MYLK4: variants seen among roughly 807,000 people sequenced by gnomAD.
MYLK4 encodes myosin light chain kinase family member 4.
Under a neutral mutation model 48.1 loss-of-function variants are expected in MYLK4, and 46 were observed. The observed-to-expected ratio is 0.96, with a 90% confidence interval of 0.75 to 1.22. MYLK4 has a LOEUF of 1.22. MYLK4 is among the 50% of genes most tolerant of loss of function. The pLI is 0.00. For synonymous variants in MYLK4, 170 were observed against 180.8 expected (o/e 0.94, Z 0.48); for missense variants, 451 against 486.1 (o/e 0.93, Z 0.68).
intron 2 of MYLK4, among the ~76,000 whole-genome samples, chr6:2,718,370 A>G (rs1762946703): frequency 6.6e-6 from 1 of 152,160 alleles, no homozygotes; most frequent in Non-Finnish European, 1.5e-5. Context: ...CCCTTCTTCT[A>G]TTCTAACAGA....
chr6:2,742,831 C>T (rs1167922501), intron 2 of MYLK4, among the ~76,000 whole-genome samples: 1 of 151,550 alleles, frequency 6.6e-6, no homozygotes, highest in Non-Finnish European at 1.5e-5. Flanking sequence ...AACAAACCTG[C>T]ACATTGTGCA....
intron 2 of MYLK4, among the ~76,000 whole-genome samples, chr6:2,712,559 T>C (rs376651201): frequency 6.6e-6 from 1 of 152,208 alleles, no homozygotes; most frequent in South Asian, 2.1e-4. Context: ...GAAACAGATT[T>C]AGTGATCACA....
chr6:2,694,503 G>GTGA (rs1311246373), intron 2 of MYLK4, among the ~76,000 whole-genome samples: 19 of 12,356 alleles, frequency 1.5e-3, no homozygotes, highest in African/African-American at 3.7e-3. Context: ...GGTGGTGGTG[G>GTGA]TGGTGGTGGC....
chr6:2,702,846 C>T (rs962133228), intron 2 of MYLK4, among the ~76,000 whole-genome samples: 1 of 152,118 alleles, frequency 6.6e-6, no homozygotes, highest in South Asian at 2.1e-4. Context: ...CCAACACCCC[C>T]GATCGGTCTG....
the MYLK4 span, chr6:2,770,241 A>G: frequency 1.2e-6 from 2 of 1,614,058 alleles, no homozygotes; most frequent in Non-Finnish European, 1.7e-6. Flanking sequence ...GTTCTTGAGA[A>G]GCTTCCAGTA....
the MYLK4 span, among the ~76,000 whole-genome samples, chr6:2,763,451 G>A: frequency 1.3e-5 from 2 of 152,234 alleles, no homozygotes; most frequent in Non-Finnish European, 1.5e-5. Flanking sequence ...GCTCAGGCAT[G>A]GCAGGCCTGA....
intron 2 of MYLK4, among the ~76,000 whole-genome samples, chr6:2,700,301 G>A (rs1290545816): frequency 6.6e-6 from 1 of 152,138 alleles, no homozygotes; most frequent in African/African-American, 2.4e-5. Context: ...ATTAATGCCT[G>A]GGTCCTCCCC....
chr6:2,696,827 C>T (rs1449391019), intron 2 of MYLK4, among the ~76,000 whole-genome samples: 1 of 152,146 alleles, frequency 6.6e-6, no homozygotes, highest in African/African-American at 2.4e-5. Flanking sequence ...TTTGGGAGGC[C>T]GAGGTGGGCA....
At chr6:2,764,005 G>A in the MYLK4 span, among the ~76,000 whole-genome samples, 13 of 152,290 alleles carry the variant, frequency 8.5e-5, no homozygotes, top group South Asian at 1.7e-3. Flanking sequence ...GGTGGCGGAC[G>A]CCCGTAATTC....
At chr6:2,764,814 G>A in the MYLK4 span, among the ~76,000 whole-genome samples, 1 of 152,164 alleles carries the variant, frequency 6.6e-6, no homozygotes, top group Non-Finnish European at 1.5e-5. Context: ...ACATCTAAAA[G>A]GGGGCGAGGG....
chr6:2,672,745 G>C lies in MYLK4; in HGVS notation c.1120-1397C>G, dbSNP rs1187666574. Among the ~76,000 whole-genome samples the C allele has an allele frequency of 6.6e-6, 1 of 152,114 alleles. No homozygotes were observed. The highest frequency in any genetic ancestry group is 1.5e-5 in the Non-Finnish European group (1 of 68,036). On this transcript the variant is annotated intron_variant, in intron 11 of 12. Coordinates refer to ENST00000274643, the MANE Select transcript of MYLK4 (RefSeq NM_001012418.5). This position sits in a 1 kb window ranked among gnomAD's most constrained non-coding sequence, Gnocchi z 4.3. ...ACTAAAACTGTATGGTACAAGAAAG[G>C]CTCTGGAAGCATCGCTCAGGTCCCC...
chr6:2,746,204 T>C (rs1298836058), intron 2 of MYLK4, among the ~76,000 whole-genome samples: 3 of 148,008 alleles, frequency 2.0e-5, no homozygotes, highest in Admixed American at 6.7e-5. Context: ...GAGACGGAGG[T>C]TGCAGTGAGC....
Position 2,683,435 on chromosome 6 carries a change from T to TGTGTGTGTGTG in MYLK4, c.546-274_546-273insCACACACACAC, listed in dbSNP as rs1364661083. 2.5e-4 allele frequency among the ~76,000 whole-genome samples: 25 copies of TGTGTGTGTGTG among 98,680 alleles called. 1 individual carries two copies. Among genetic ancestry groups the TGTGTGTGTGTG allele is most frequent in the Non-Finnish European group, 6.4e-5 (3 of 46,996 alleles). The allele number at this position is 98,680 out of a possible 152,430, so 64.7% of individuals were successfully genotyped here. On this transcript the variant is annotated intron_variant, in intron 6 of 12. Transcript: ENST00000274643. ...TGTGTGTGTGTGTGTGTGTGTGTGT[T>TGTGTGTGTGTG]TTGAGATGGAGTCTCGCTGTGTCGC... is the stretch of plus-strand genomic sequence containing the variant.
rs553016911 is a variant in MYLK4, at chr6:2,667,767, T to C, written c.*158A>G. ...GTTCCTCTGAGCGCAGCAGAGGCAC[T>C]CCAGTTCAAGTTCACATTCAGGGTC... On this transcript the variant is annotated 3_prime_UTR_variant, in exon 13 of 13. Transcript: ENST00000274643. 11 of 152,778 alleles carry C rather than the reference T, an allele frequency of 7.2e-5. No homozygotes were observed. Among genetic ancestry groups the C allele is most frequent in the African/African-American group, 2.6e-4 (11 of 41,570 alleles). The allele number at this position is 152,778 out of a possible 1,614,324, so 9.5% of individuals were successfully genotyped here.
intron 2 of MYLK4, among the ~76,000 whole-genome samples, chr6:2,739,249 G>A (rs1045442704): frequency 1.3e-5 from 2 of 152,186 alleles, no homozygotes; most frequent in African/African-American, 2.4e-5. Context: ...TGGAGAGCCT[G>A]ACCAGAACCA....
intron 10 of MYLK4, among the ~76,000 whole-genome samples, chr6:2,677,571 A>G (rs1341998019): frequency 6.6e-6 from 1 of 152,218 alleles, no homozygotes; most frequent in Non-Finnish European, 1.5e-5. Context: ...CTATATTTCA[A>G]TGTCACTCTT....
At chr6:2,679,151 G>T in intron 9 of MYLK4, 129 bp downstream of exon 9, 2 of 1,086,024 alleles carry the variant, frequency 1.8e-6, no homozygotes, top group East Asian at 2.4e-5. Flanking sequence ...AACCTAGAAG[G>T]CAACTGAGGA....
intron 2 of MYLK4, among the ~76,000 whole-genome samples, chr6:2,713,674 G>C (rs746720308): frequency 2.0e-5 from 3 of 152,190 alleles, no homozygotes; most frequent in Admixed American, 1.3e-4. Context: ...CCCATCCCAT[G>C]AGTCAGGGCA....
chr6:2,714,672 AG>A (rs1460571194), intron 2 of MYLK4, among the ~76,000 whole-genome samples: 4 of 152,248 alleles, frequency 2.6e-5, no homozygotes, highest in African/African-American at 9.6e-5. Flanking sequence ...TGTTCATAGC[AG>A]CTTACTCACA....
Sources: gnomAD v4.1 joint callset for allele counts (sites outside exome capture counted in the v4.1 genomes callset) on GRCh38, gnomAD v4.1.1 for gene constraint, Gnocchi (gnomAD v3.1) non-coding constraint, MANE v1.5 for transcripts, NCBI Gene and HGNC (gene_info 2026-07-23, HGNC 2026-07-21) for gene names.